DBF4B: variants seen among roughly 807,000 people sequenced by gnomAD.
DBF4B encodes the protein protein DBF4 homolog B.
DBF4B carries 49 observed loss-of-function variants against 53.4 expected under a neutral mutation model. The ratio of observed to expected loss-of-function variants is 0.92; its 90% confidence interval spans 0.73 to 1.16. The LOEUF (loss-of-function observed/expected upper bound fraction) is 1.16, where lower values mean the gene tolerates loss of function less well. DBF4B is among the 50% of genes most tolerant of loss of function. The pLI is 0.00. For synonymous variants in DBF4B, 257 were observed against 288.7 expected (o/e 0.89, Z 1.11); for missense variants, 692 against 775.0 (o/e 0.89, Z 1.27).
At chr17:44,736,905 T>TC (rs1247364725) in intron 8 of DBF4B, 39 bp downstream of exon 8, 1 of 1,610,092 alleles carries the variant, frequency 6.2e-7, no homozygotes, top group African/African-American at 1.3e-5. Context: ...TTGCAATCCC[T>TC]CCCTCCCTAA....
At chr17:44,722,235 A>AACACACACACACAC (rs372541456) in intron 2 of DBF4B, among the ~76,000 whole-genome samples, 1 of 151,462 alleles carries the variant, frequency 6.6e-6, no homozygotes, top group African/African-American at 2.4e-5. Flanking sequence ...TGTGCTCTCC[A>AACACACACACACAC]ACACACACAC....
At chr17:44,748,518 T>C (rs959676263) in intron 13 of DBF4B, 53 bp downstream of exon 13, 7 of 1,610,536 alleles carry the variant, frequency 4.3e-6, no homozygotes, top group Non-Finnish European at 5.1e-6. Flanking sequence ...CAGCTGAACG[T>C]GCAGGGACTG....
rs1325291354 is a variant in DBF4B at position 44,750,931 on chromosome 17, G to A, written c.1526G>A (p.Trp509Ter). The A allele has an allele frequency of 6.2e-7, 1 of 1,614,208 alleles. No homozygotes were observed. Among genetic ancestry groups the A allele is most frequent in the Non-Finnish European group, 8.5e-7 (1 of 1,180,038 alleles). The change falls in exon 14 of 14, where the codon TGG becomes TAG. Residue 509 changes from tryptophan (W) to a stop codon, truncating the protein, a stop_gained. Coordinates refer to ENST00000315005, the MANE Select transcript of DBF4B (RefSeq NM_145663.3). LOFTEE classifies it low-confidence loss of function (END_TRUNC). ...CCGTGGCTTATGTCTGCACGCTGCTGGGTTCGTCCCTTTCCTTTTGTGACA... is the reference window on the plus strand; with the variant it reads ...CCGTGGCTTATGTCTGCACGCTGCTAGGTTCGTCCCTTTCCTTTTGTGACA... ...ARPWLMSARC[W>*]VRPFPFVTWG...
rs148114647 is a variant in DBF4B at position 44,751,124 on chromosome 17, G to A, written c.1719G>A (p.Pro573=). 257 of 1,613,958 alleles carry A rather than the reference G, an allele frequency of 1.6e-4. 1 individual carries two copies. The highest frequency in any genetic ancestry group is 2.0e-4 in the Non-Finnish European group (238 of 1,180,032). The part of the protein sequence containing the change: ...TAGPIPRTSH[P]CTLAFPSYLN... ...GACCCATTCCCCGAACCTCACATCC[G>A]TGTACCCTTGCCTTCCCCTCCTATC... is the stretch of plus-strand genomic sequence containing the variant. Residue 573 remains proline, a synonymous_variant, in exon 14 of 14, where the codon CCG becomes CCA. Transcript: ENST00000315005.
At chr17:44,737,941 A>C (rs1365793440) in intron 8 of DBF4B, among the ~76,000 whole-genome samples, 1 of 152,114 alleles carries the variant, frequency 6.6e-6, no homozygotes, top group Non-Finnish European at 1.5e-5. Flanking sequence ...CAGTATCCTG[A>C]GGCTCCAGAA....
intron 2 of DBF4B, among the ~76,000 whole-genome samples, chr17:44,710,434 A>G (rs536254600): frequency 1.3e-5 from 2 of 152,164 alleles, no homozygotes; most frequent in Admixed American, 6.5e-5. Flanking sequence ...TTCCTTCAAC[A>G]CATTGAAAAA....
intron 2 of DBF4B, among the ~76,000 whole-genome samples, chr17:44,715,885 C>T (rs1280426007): frequency 5.5e-5 from 7 of 127,684 alleles, no homozygotes; most frequent in Admixed American, 1.9e-4. Context: ...TGCAATGGCG[C>T]GATCTCAGCT....
At chr17:44,740,854 G>T (rs1975934709) in intron 9 of DBF4B, among the ~76,000 whole-genome samples, 1 of 152,128 alleles carries the variant, frequency 6.6e-6, no homozygotes, top group African/African-American at 2.4e-5. Flanking sequence ...GACAGGGAGG[G>T]GCCGGGCGTG....
chr17:44,730,368 A>C (rs182334752), intron 4 of DBF4B, among the ~76,000 whole-genome samples: 1 of 152,210 alleles, frequency 6.6e-6, no homozygotes, highest in Non-Finnish European at 1.5e-5. Context: ...TAAACCAGAG[A>C]AGACGTGTTG....
chr17:44,740,513 C>G (rs1049228334), intron 9 of DBF4B, among the ~76,000 whole-genome samples: 3 of 152,222 alleles, frequency 2.0e-5, no homozygotes, highest in African/African-American at 7.2e-5. Flanking sequence ...CCTTTCAGAA[C>G]CCAGCCCTCA....
Position 44,749,255 on chromosome 17 carries a change from C to T in DBF4B, c.1189+790C>T. 2.3e-6 allele frequency: 3 copies of T among 1,290,612 alleles called. No individual in the cohort carries two copies. The highest frequency in any genetic ancestry group is 2.0e-6 in the Non-Finnish European group (2 of 988,902). 79.9% of individuals were successfully genotyped at this position (1,290,612 alleles called of 1,614,324 possible). A position where few individuals can be genotyped will look rare whatever the true frequency, so the allele number is the denominator to read the frequency against. On this transcript the variant is annotated intron_variant, in intron 13 of 13. Transcript: ENST00000315005. This position sits in a 1 kb window ranked among gnomAD's most constrained non-coding sequence, Gnocchi z 4.4. ...GTGCCCTGTCTCCCTGTCTCCCAGC[C>T]CTGGTCCCAACCCCAGCCCCAGCCC...
chr17:44,751,818 T>C lies in DBF4B; in HGVS notation c.*565T>C. 1 of 1,530,790 alleles carries C rather than the reference T, an allele frequency of 6.5e-7. No homozygotes were observed. The highest frequency in any genetic ancestry group is 1.2e-5 in the South Asian group (1 of 83,622). The allele number at this position is 1,530,790 out of a possible 1,614,324, so 94.8% of individuals were successfully genotyped here. A position where few individuals can be genotyped will look rare whatever the true frequency, so the allele number is the denominator to read the frequency against. The stretch of plus-strand genomic sequence containing the variant: ...GCTACTGGTGACCAAAGTTGGTTCC[T>C]TTTCTCCTTTCTTTCCTCCTTGAAG... On this transcript the variant is annotated 3_prime_UTR_variant, in exon 14 of 14. Transcript: ENST00000315005.
intron 13 of DBF4B, chr17:44,748,987 G>C: frequency 7.8e-7 from 1 of 1,289,882 alleles, no homozygotes; most frequent in Non-Finnish European, 1.0e-6. Context: ...GCTGGGGAAA[G>C]GGTGGCCCCC....
intron 7 of DBF4B, among the ~76,000 whole-genome samples, chr17:44,734,644 G>A (rs1159667631): frequency 6.6e-6 from 1 of 152,214 alleles, no homozygotes; most frequent in Non-Finnish European, 1.5e-5. Context: ...TACATCAAGA[G>A]AGCCCAACCT....
chr17:44,743,660 G>C (rs1197130982), intron 10 of DBF4B, among the ~76,000 whole-genome samples: 2 of 149,704 alleles, frequency 1.3e-5, no homozygotes, highest in East Asian at 3.9e-4. Context: ...GCCTAGGCAG[G>C]AGTGCAGTGG....
In DBF4B at chr17:44,733,549, C is replaced by T. The variant is rs535320306; in HGVS notation, c.557-541C>T. The T allele has an allele frequency of 3.8e-3, 588 of 153,688 alleles. 6 individuals are homozygous for T. Among genetic ancestry groups the T allele is most frequent in the Middle Eastern group, 0.01 (3 of 296 alleles). 9.5% of individuals were successfully genotyped at this position (153,688 alleles called of 1,614,324 possible). A position where few individuals can be genotyped will look rare whatever the true frequency, so the allele number is the denominator to read the frequency against. On this transcript the variant is annotated intron_variant, in intron 6 of 13. Coordinates refer to ENST00000315005, the MANE Select transcript of DBF4B (RefSeq NM_145663.3). ...GACAGCCCATAGGTGCTGACTGGGG[C>T]GCTGCCCCACCCCTTGGTACCAAGA...
At chr17:44,741,799 A>G (rs1397106130) in intron 10 of DBF4B, among the ~76,000 whole-genome samples, 1 of 152,178 alleles carries the variant, frequency 6.6e-6, no homozygotes, top group African/African-American at 2.4e-5. Context: ...TGTTTCCCCC[A>G]GAGCATGGAC....
chr17:44,739,797 G>A (rs1975813763), intron 9 of DBF4B, among the ~76,000 whole-genome samples: 1 of 151,910 alleles, frequency 6.6e-6, no homozygotes, highest in Admixed American at 6.6e-5. Flanking sequence ...TTGAGACGGA[G>A]TCTCACTCCA....
chr17:44,750,191 T>G (rs1166324670), intron 13 of DBF4B: 1 of 1,000,130 alleles, frequency 1.0e-6, no homozygotes, highest in Non-Finnish European at 1.2e-6. Context: ...TCCCCCCATT[T>G]CTGGCAGCCA....
Sources: allele counts gnomAD v4.1 joint callset (sites outside exome capture counted in the v4.1 genomes callset), GRCh38; gene constraint gnomAD v4.1.1; non-coding constraint Gnocchi (gnomAD v3.1); transcripts MANE v1.5; gene names NCBI Gene and HGNC (gene_info 2026-07-23, HGNC 2026-07-21).